Variants in TRPM3 observed in about 807,000 individuals in gnomAD.
TRPM3 encodes the protein long transient receptor potential channel 3.
Under a neutral mutation model 181.2 loss-of-function variants are expected in TRPM3, and 77 were observed. The ratio of observed to expected loss-of-function variants is 0.42; its 90% confidence interval spans 0.35 to 0.51. The LOEUF (loss-of-function observed/expected upper bound fraction) is 0.51. TRPM3 is among the 20% of genes least tolerant of loss of function. The probability of loss-of-function intolerance (pLI) is 0.01; values close to 1 mark genes in which losing one functional copy is unlikely to be tolerated. For missense variants in TRPM3, 1,759 were observed against 2,196.7 expected, an observed-to-expected ratio of 0.80 and a Z score of 3.98; for synonymous variants, 745 against 796.4, an observed-to-expected ratio of 0.94 and a Z score of 1.09.
In TRPM3 at chr9:71,046,373, C is replaced by A. The variant is rs547086987; in HGVS notation, c.177+74805G>T. ...CTAAGGAATTCATGCTGGGAAACAT[C>A]GCATGAATAACTCTTCACAACTCAA... On this transcript the variant is annotated intron_variant, in intron 1 of 25. Transcript: ENST00000677713. 3.3e-5 allele frequency among the ~76,000 whole-genome samples: 5 copies of A among 152,240 alleles called. No individual in the cohort carries two copies. The East Asian group carries it at 9.6e-4, about 29-fold the overall frequency.
chr9:71,241,888 A>T (rs1245500887), intron 1 of TRPM3, among the ~76,000 whole-genome samples: 1 of 152,228 alleles, frequency 6.6e-6, no homozygotes, highest in Non-Finnish European at 1.5e-5. Context: ...CCTTCTAATT[A>T]TTCCTAGGCA....
chr9:71,420,461 C>T (rs997314480), intron 1 of TRPM3, among the ~76,000 whole-genome samples: 11 of 149,410 alleles, frequency 7.4e-5, no homozygotes, highest in Admixed American at 3.4e-4. Context: ...TATTTTGAGC[C>T]GAAGGCAAGG....
intron 1 of TRPM3, among the ~76,000 whole-genome samples, chr9:71,203,934 C>T (rs1268532029): frequency 6.6e-6 from 1 of 152,070 alleles, no homozygotes; most frequent in Non-Finnish European, 1.5e-5. Context: ...TGATCTTTGA[C>T]AAACCTGACA....
intron 1 of TRPM3, among the ~76,000 whole-genome samples, chr9:71,099,686 C>T (rs1335874451): frequency 6.6e-6 from 1 of 152,158 alleles, no homozygotes; most frequent in African/African-American, 2.4e-5. Flanking sequence ...GAAAATACAA[C>T]TTATGCTCAA....
At position 71,148,781 on chromosome 9, in the gene TRPM3, A is replaced by G. The variant is rs534227393; in HGVS notation, c.184-284270T>C. The stretch of plus-strand genomic sequence containing the variant: ...GGTGAATTTCAACTAAGGAAGAGAG[A>G]GTAAGAACAGCAAATGGCAGTGGCC... On this transcript the variant is annotated intron_variant, in intron 1 of 24. Transcript: ENST00000357533. Among the ~76,000 whole-genome samples the G allele has an allele frequency of 6.0e-4, 91 of 152,330 alleles. 1 individual carries two copies. Among genetic ancestry groups the G allele is most frequent in the Admixed American group, 5.9e-3 (90 of 15,286 alleles).
intron 1 of TRPM3, among the ~76,000 whole-genome samples, chr9:71,271,188 C>T (rs1020109577): frequency 1.3e-5 from 2 of 152,160 alleles, no homozygotes; most frequent in Non-Finnish European, 1.5e-5. Context: ...CACTCAGGGG[C>T]AAACGAACCT....
chr9:71,373,809 G>T (rs1355212796), intron 1 of TRPM3, among the ~76,000 whole-genome samples: 1 of 152,080 alleles, frequency 6.6e-6, no homozygotes, highest in African/African-American at 2.4e-5. Context: ...CCAAAACCTG[G>T]CAGAGATACA....
At chr9:70,752,350 G>A (rs1489708772) in intron 8 of TRPM3, among the ~76,000 whole-genome samples, 2 of 152,092 alleles carry the variant, frequency 1.3e-5, no homozygotes, top group Admixed American at 6.6e-5. Flanking sequence ...CGCAAGGTCA[G>A]CTAGTCATCT....
chr9:70,962,485 C>A (rs907831644), intron 1 of TRPM3, among the ~76,000 whole-genome samples: 3 of 152,064 alleles, frequency 2.0e-5, no homozygotes, highest in Non-Finnish European at 4.4e-5. Flanking sequence ...TTCAGCTCTG[C>A]AATGGGGATA....
intron 1 of TRPM3, among the ~76,000 whole-genome samples, chr9:71,140,934 G>A (rs960298499): frequency 3.3e-5 from 5 of 152,010 alleles, no homozygotes; most frequent in African/African-American, 4.8e-5. Flanking sequence ...TTCCTGAGCC[G>A]GACTCTATTA....
At chr9:70,643,949 T>G (rs1264695642) in intron 9 of TRPM3, among the ~76,000 whole-genome samples, 1 of 152,244 alleles carries the variant, frequency 6.6e-6, no homozygotes, top group East Asian at 1.9e-4. Flanking sequence ...TGGGAGGCAG[T>G]ATGCCAGCAT....
At chr9:71,124,858 G>T (rs1277691959), upstream of TRPM3, among the ~76,000 whole-genome samples, 2 of 152,316 alleles carry the variant, frequency 1.3e-5, no homozygotes, top group South Asian at 2.1e-4. Flanking sequence ...GTAGTACAGA[G>T]AACTCAAAAG....
At chr9:71,327,154 C>A (rs1431897580) in intron 1 of TRPM3, among the ~76,000 whole-genome samples, 1 of 152,220 alleles carries the variant, frequency 6.6e-6, no homozygotes, top group African/African-American at 2.4e-5. Flanking sequence ...ACCACGGCAT[C>A]TGCCTTCTTG....
chr9:71,293,232 G>A (rs1308821228), intron 1 of TRPM3, among the ~76,000 whole-genome samples: 2 of 151,446 alleles, frequency 1.3e-5, no homozygotes, highest in Non-Finnish European at 3.0e-5. Flanking sequence ...CCTTTGAAAT[G>A]ACACACAGAA....
chr9:71,412,837 T>C (rs1316942942), intron 1 of TRPM3, among the ~76,000 whole-genome samples: 2 of 152,018 alleles, frequency 1.3e-5, no homozygotes, highest in African/African-American at 2.4e-5. Flanking sequence ...AGCAAAGACA[T>C]GGAACCAACC....
intron 1 of TRPM3, among the ~76,000 whole-genome samples, chr9:71,198,252 C>T (rs2078527041): frequency 6.6e-6 from 1 of 151,982 alleles, no homozygotes; most frequent in Non-Finnish European, 1.5e-5. Context: ...GGTACCAGTA[C>T]CATGCTGTTT....
intron 1 of TRPM3, among the ~76,000 whole-genome samples, chr9:70,913,656 T>C (rs1204846103): frequency 6.6e-6 from 1 of 152,242 alleles, no homozygotes; most frequent in East Asian, 1.9e-4. Context: ...GGATCATTCA[T>C]GATGCCCAGT....
At chr9:71,231,796 G>A (rs1293564713) in intron 1 of TRPM3, among the ~76,000 whole-genome samples, 1 of 152,208 alleles carries the variant, frequency 6.6e-6, no homozygotes, top group African/African-American at 2.4e-5. Context: ...AGGATGGTAA[G>A]CGGGTTTGGG....
intron 12 of TRPM3, among the ~76,000 whole-genome samples, chr9:70,628,287 G>A (rs2065033384): frequency 6.6e-6 from 1 of 152,198 alleles, no homozygotes; most frequent in African/African-American, 2.4e-5. Flanking sequence ...CTGGCAGGGT[G>A]AGGAGGAAGC....
Sources: allele counts gnomAD v4.1 joint callset (sites outside exome capture counted in the v4.1 genomes callset), GRCh38; gene constraint gnomAD v4.1.1; transcripts MANE v1.5; gene names NCBI Gene and HGNC (gene_info 2026-07-23, HGNC 2026-07-21).